Variants in CRTC1 observed in about 807,000 individuals in gnomAD.
The protein encoded by CRTC1 is CREB regulated transcription coactivator 1.
A neutral mutation model predicts 66.1 loss-of-function variants in CRTC1; 18 were observed. That is an observed-to-expected ratio of 0.27 (90% confidence interval 0.19 to 0.40). CRTC1 has a LOEUF of 0.40. CRTC1 is among the 10% of genes least tolerant of loss of function. The probability of loss-of-function intolerance (pLI) is 1.00; values close to 1 mark genes in which losing one functional copy is unlikely to be tolerated. For missense variants in CRTC1, 669 were observed against 887.9 expected, an observed-to-expected ratio of 0.75 and a Z score of 3.13; for synonymous variants, 416 against 398.8, an observed-to-expected ratio of 1.04 and a Z score of -0.51.
intron 11 of CRTC1, 139 bp from the exon 12 acceptor site, chr19:18,774,761 C>A: frequency 1.3e-6 from 1 of 762,054 alleles, no homozygotes; most frequent in East Asian, 2.6e-5. Flanking sequence ...CTTCTGGAAC[C>A]CCAAAATAAG....
At chr19:18,751,644 G>A (rs970852002) in intron 5 of CRTC1, among the ~76,000 whole-genome samples, 6 of 152,148 alleles carry the variant, frequency 3.9e-5, no homozygotes, top group African/African-American at 9.7e-5. Flanking sequence ...CCATCCCGTC[G>A]CTCAGACTCT....
intron 1 of CRTC1, among the ~76,000 whole-genome samples, chr19:18,729,383 G>A (rs1292627301): frequency 2.0e-5 from 3 of 147,728 alleles, no homozygotes; most frequent in African/African-American, 7.5e-5. Context: ...CTGAGATCGC[G>A]CCACTGCACT....
rs749545323 is a variant in CRTC1 at position 18,749,766 on chromosome 19, C to T, written c.444-15C>T. On this transcript the variant is annotated splice_polypyrimidine_tract_variant and intron_variant, in intron 4 of 13. Transcript: ENST00000321949. ...TTGGGCTGAGGCTCATTGTCTCTTC[C>T]TCCCTCCCCACCAGGACCAATTCTG... is the stretch of plus-strand genomic sequence containing the variant. 8.2e-5 allele frequency: 132 copies of T among 1,609,308 alleles called. No homozygotes were observed. Among genetic ancestry groups the T allele is most frequent in the Non-Finnish European group, 1.1e-4 (129 of 1,175,686 alleles).
chr19:18,703,265 C>G (rs1021546682), intron 1 of CRTC1, among the ~76,000 whole-genome samples: 1 of 151,986 alleles, frequency 6.6e-6, no homozygotes, highest in Non-Finnish European at 1.5e-5. Context: ...AATCTCCTGA[C>G]CTCGTGATCT....
At chr19:18,693,690 C>G (rs868459071) in intron 1 of CRTC1, among the ~76,000 whole-genome samples, 1 of 150,708 alleles carries the variant, frequency 6.6e-6, no homozygotes, top group African/African-American at 2.4e-5. Context: ...TCCCCATGTT[C>G]GCCAGGATGG....
At chr19:18,748,450 C>A (rs2054293543) in intron 4 of CRTC1, among the ~76,000 whole-genome samples, 1 of 144,660 alleles carries the variant, frequency 6.9e-6, no homozygotes, top group Admixed American at 7.1e-5. Context: ...AACTCCTGGG[C>A]CCAAGTGATC....
chr19:18,747,707 A>C (rs532336660), intron 4 of CRTC1, among the ~76,000 whole-genome samples: 7 of 152,322 alleles, frequency 4.6e-5, no homozygotes, highest in African/African-American at 1.7e-4. Context: ...CTGTATTCAG[A>C]GCAGGTACCC....
chr19:18,731,504 A>G (rs1265299917), intron 1 of CRTC1, among the ~76,000 whole-genome samples: 1 of 152,190 alleles, frequency 6.6e-6, no homozygotes, highest in Non-Finnish European at 1.5e-5. Context: ...CACTAATTAC[A>G]TCTGCAGAAA....
intron 1 of CRTC1, among the ~76,000 whole-genome samples, chr19:18,694,893 CTT>C (rs371198258): frequency 2.9e-4 from 42 of 144,290 alleles, no homozygotes; most frequent in East Asian, 4.1e-4. Context: ...TCAGCGACCT[CTT>C]TTTTTTTTTT....
At chr19:18,720,816 CCT>C (rs2053609828) in intron 1 of CRTC1, among the ~76,000 whole-genome samples, 1 of 151,844 alleles carries the variant, frequency 6.6e-6, no homozygotes, top group Non-Finnish European at 1.5e-5. Context: ...TTTGGAATTC[CCT>C]CTCTTTCTCT....
chr19:18,759,672 TGAGGTTGCAAGTCCCTGCAA>T, intron 7 of CRTC1, 81 bp downstream of exon 7: 1 of 1,499,354 alleles, frequency 6.7e-7, no homozygotes, highest in Non-Finnish European at 9.1e-7. Context: ...TCCACTCTCT[TGAGGTTGCAAGTCCCTGCAA>T]GAGGGACACT....
At chr19:18,764,160 G>A (rs1364405936) in intron 8 of CRTC1, among the ~76,000 whole-genome samples, 1 of 152,220 alleles carries the variant, frequency 6.6e-6, no homozygotes, top group Non-Finnish European at 1.5e-5. Context: ...TCTCCCCTCG[G>A]CGCTTGTCGG....
chr19:18,737,745 C>CCTCCTCCTCCTG (rs1286307643), intron 1 of CRTC1, among the ~76,000 whole-genome samples: 10 of 151,644 alleles, frequency 6.6e-5, no homozygotes, highest in African/African-American at 2.2e-4. Context: ...TGCTGCTCCT[C>CCTCCTCCTCCTG]CTCCTCCTCC....
At chr19:18,757,111 T>C (rs2054506721) in intron 6 of CRTC1, among the ~76,000 whole-genome samples, 1 of 152,156 alleles carries the variant, frequency 6.6e-6, no homozygotes, top group Admixed American at 6.5e-5. Context: ...GTTCGCCTTT[T>C]TCATCTGATA....
Position 18,753,486 on chromosome 19 carries a change from TCCCAC to T in CRTC1, c.539-12_539-8del, listed in dbSNP as rs781316204. 15 of 1,589,592 alleles carry T rather than the reference TCCCAC, an allele frequency of 9.4e-6. No homozygotes were observed. Among genetic ancestry groups the T allele is most frequent in the African/African-American group, 1.4e-5 (1 of 73,522 alleles). On this transcript the variant is annotated splice_polypyrimidine_tract_variant and intron_variant, in intron 5 of 13. Transcript: ENST00000321949. ...TCTTCTCTGATTCTCCTTCTCCCCC[TCCCAC>T]CTCCCCAGTCTTACTGTTAACAGTC...
chr19:18,771,174 C>G lies in CRTC1; in HGVS notation c.1321-268C>G, dbSNP rs2054858758. ...GAGTCAGGGCCAACCCTCTGATCAC[C>G]CTCCTGTAGCTCCAAGAAGGAGGGC... On this transcript the variant is annotated intron_variant, in intron 10 of 13. Transcript: ENST00000321949. This position sits in a 1 kb window ranked among gnomAD's most constrained non-coding sequence, Gnocchi z 4.6. Among the ~76,000 whole-genome samples the G allele has an allele frequency of 6.6e-6, 1 of 152,148 alleles. No individual in the cohort carries two copies. Among genetic ancestry groups the G allele is most frequent in the African/African-American group, 2.4e-5 (1 of 41,410 alleles).
chr19:18,701,656 A>C (rs1299088625), intron 1 of CRTC1, among the ~76,000 whole-genome samples: 1 of 152,182 alleles, frequency 6.6e-6, no homozygotes, highest in Non-Finnish European at 1.5e-5. Context: ...CCCAGGCTGG[A>C]GTGCAATGGC....
rs555205173 is a variant in CRTC1, at chr19:18,781,593, C to T, written c.*4211C>T. 4.4e-6 allele frequency: 1 copy of T among 229,622 alleles called. No homozygotes were observed. The highest frequency in any genetic ancestry group is 1.8e-4 in the South Asian group (1 of 5,502). The allele number at this position is 229,622 out of a possible 1,614,324, so 14.2% of individuals were successfully genotyped here. On this transcript the variant is annotated 3_prime_UTR_variant, in exon 14 of 14. Coordinates refer to ENST00000321949, the MANE Select transcript of CRTC1 (RefSeq NM_015321.3). ...AGCAGGAGGTGGAGTAAGTTGTACCCCCAGGCCTGGGTGCTGGGGAGTTCC... is the reference window on the plus strand; with the variant it reads ...AGCAGGAGGTGGAGTAAGTTGTACCTCCAGGCCTGGGTGCTGGGGAGTTCC...
intron 1 of CRTC1, among the ~76,000 whole-genome samples, chr19:18,696,903 C>T (rs1217894533): frequency 2.5e-5 from 2 of 79,648 alleles, no homozygotes; most frequent in Admixed American, 4.0e-4. Context: ...CAGGCTGCAG[C>T]GTGGGAACCA....
Sources: gnomAD v4.1 joint callset for allele counts (sites outside exome capture counted in the v4.1 genomes callset) on GRCh38, gnomAD v4.1.1 for gene constraint, Gnocchi (gnomAD v3.1) non-coding constraint, MANE v1.5 for transcripts, NCBI Gene and HGNC (gene_info 2026-07-23, HGNC 2026-07-21) for gene names.